NACC2: variants seen among roughly 807,000 people sequenced by gnomAD.
The protein encoded by NACC2 is NACC family member 2.
Under a neutral mutation model 25.1 loss-of-function variants are expected in NACC2, and 8 were observed. That is an observed-to-expected ratio of 0.32 (90% CI 0.19 to 0.57). The LOEUF (loss-of-function observed/expected upper bound fraction) is 0.57, where lower values mean the gene tolerates loss of function less well. NACC2 is among the 20% of genes least tolerant of loss of function. The pLI is 0.89. For missense variants in NACC2, 644 were observed against 650.2 expected (o/e 0.99, Z 0.10); for synonymous variants, 435 against 294.7 (o/e 1.48, Z -4.88).
At chr9:136,043,290 A>G (rs920379670) in intron 2 of NACC2, among the ~76,000 whole-genome samples, 4 of 152,258 alleles carry the variant, frequency 2.6e-5, no homozygotes, top group Non-Finnish European at 5.9e-5. Context: ...AAATGGACAA[A>G]AGATCTGAAG....
chr9:136,026,193 T>C (rs1335530636), intron 2 of NACC2, among the ~76,000 whole-genome samples: 1 of 151,172 alleles, frequency 6.6e-6, no homozygotes, highest in Non-Finnish European at 1.5e-5. Context: ...TACAAAAAAT[T>C]AGCCAGGTGT....
intron 1 of NACC2, among the ~76,000 whole-genome samples, chr9:136,088,896 C>T (rs1425857743): frequency 6.6e-6 from 1 of 152,214 alleles, no homozygotes; most frequent in Non-Finnish European, 1.5e-5. Flanking sequence ...GAAGGTTTCC[C>T]GGAGGAGACA....
chr9:136,076,922 C>G (rs1460469520), intron 1 of NACC2, among the ~76,000 whole-genome samples: 1 of 150,780 alleles, frequency 6.6e-6, no homozygotes, highest in Non-Finnish European at 1.5e-5. Context: ...CGGAGAATGG[C>G]GTGAACCCAG....
At chr9:136,035,818 C>T (rs1421434319) in intron 2 of NACC2, among the ~76,000 whole-genome samples, 1 of 152,054 alleles carries the variant, frequency 6.6e-6, no homozygotes, top group Admixed American at 6.6e-5. Context: ...AATGACAGAG[C>T]AGATGTGGTA....
At chr9:136,027,502 A>G (rs1425476472) in intron 2 of NACC2, among the ~76,000 whole-genome samples, 1 of 152,230 alleles carries the variant, frequency 6.6e-6, no homozygotes, top group East Asian at 1.9e-4. Context: ...CCAGAGTAAC[A>G]AACTAGGCTG....
At position 136,019,756 on chromosome 9, in the gene NACC2, C is replaced by T. The variant is rs965810967; in HGVS notation, c.887-3327G>A. Among the ~76,000 whole-genome samples, 2 of 152,028 alleles carry T rather than the reference C, an allele frequency of 1.3e-5. No homozygotes were observed. The highest frequency in any genetic ancestry group is 4.8e-5 in the African/African-American group (2 of 41,374). ...AGCAAACACAAGGACAAATGCTGCCCGGGGCGCGGGGTTGGGGCCTTCAGG... is the reference window on the plus strand; with the variant it reads ...AGCAAACACAAGGACAAATGCTGCCTGGGGCGCGGGGTTGGGGCCTTCAGG... On this transcript the variant is annotated intron_variant, in intron 2 of 5. Transcript: ENST00000277554. The surrounding 1 kb of genome is among the most constrained non-coding windows in gnomAD (Gnocchi z 5.2).
chr9:136,043,483 G>A (rs1840676228), intron 2 of NACC2, among the ~76,000 whole-genome samples: 1 of 152,258 alleles, frequency 6.6e-6, no homozygotes, highest in African/African-American at 2.4e-5. Flanking sequence ...AGGCCGTGGG[G>A]CGCCTGCTGC....
chr9:136,092,156 G>A (rs547141562), intron 1 of NACC2, among the ~76,000 whole-genome samples: 13 of 152,318 alleles, frequency 8.5e-5, no homozygotes, highest in East Asian at 1.9e-4. Flanking sequence ...CCCAAGGCCC[G>A]ACTGCCCACC....
At chr9:136,017,329 G>A (rs138946605) in intron 2 of NACC2, among the ~76,000 whole-genome samples, 1 of 152,184 alleles carries the variant, frequency 6.6e-6, no homozygotes, top group Non-Finnish European at 1.5e-5. Flanking sequence ...CCCTGGGCAG[G>A]ACTCTCTGCT....
At chr9:136,046,472 C>T (rs902833612) in intron 2 of NACC2, among the ~76,000 whole-genome samples, 22 of 152,214 alleles carry the variant, frequency 1.4e-4, no homozygotes, top group Non-Finnish European at 2.9e-4. Flanking sequence ...GGGGTGATGG[C>T]TTAAGGCCCA....
At chr9:136,062,113 G>GAGACAGGACA (rs1207459922) in intron 1 of NACC2, among the ~76,000 whole-genome samples, 5 of 123,808 alleles carry the variant, frequency 4.0e-5, no homozygotes, top group African/African-American at 1.6e-4. Context: ...GCAACAGAGC[G>GAGACAGGACA]AGACAGGACA....
chr9:136,008,024 G>A lies in NACC2; in HGVS notation c.*3492C>T, dbSNP rs1483944563. The A allele has an allele frequency of 1.3e-5, 2 of 152,228 alleles. No homozygotes were observed. The highest frequency in any genetic ancestry group is 4.1e-4 in the South Asian group (2 of 4,830). The allele number at this position is 152,228 out of a possible 1,614,324, so 9.4% of individuals were successfully genotyped here. A position where few individuals can be genotyped will look rare whatever the true frequency, so the allele number is the denominator to read the frequency against. ...AGGAGGCCAGGCAGCCGGCTCCTAT[G>A]TTCTAGGAGCCCCGACCCGCAGTCA... On this transcript the variant is annotated 3_prime_UTR_variant, in exon 6 of 6. Coordinates refer to ENST00000277554, the MANE Select transcript of NACC2 (RefSeq NM_144653.5).
intron 2 of NACC2, among the ~76,000 whole-genome samples, chr9:136,044,641 G>A (rs892254549): frequency 2.0e-5 from 3 of 152,326 alleles, no homozygotes; most frequent in African/African-American, 2.4e-5. Flanking sequence ...GAGTGGGGAC[G>A]ATGGTGCGAT....
rs187200112 is a variant in NACC2 at position 136,067,063 on chromosome 9, C to T, written c.-59-16483G>A. ...GTCGGGAGTTCGAGACCAGCCTCGG[C>T]AAGCAACATGTCGAAACCCCGTCTC... On this transcript the variant is annotated intron_variant, in intron 1 of 5. Transcript: ENST00000277554. 6.4e-3 allele frequency among the ~76,000 whole-genome samples: 972 copies of T among 152,056 alleles called. 9 individuals carry two copies. The highest frequency in any genetic ancestry group is 0.022 in the African/African-American group (917 of 41,460).
chr9:136,071,542 C>CAAA (rs34087690), intron 1 of NACC2, among the ~76,000 whole-genome samples: 8 of 83,266 alleles, frequency 9.6e-5, no homozygotes, highest in East Asian at 3.4e-4. Context: ...GACTCCATCT[C>CAAA]AAAAAAAAAA....
At position 136,086,689 on chromosome 9, in the gene NACC2, G is replaced by A. The variant is rs889857379; in HGVS notation, c.-60+8500C>T. Among the ~76,000 whole-genome samples, 1 of 152,108 alleles carries A rather than the reference G, an allele frequency of 6.6e-6. No individual in the cohort carries two copies. Among genetic ancestry groups the A allele is most frequent in the African/African-American group, 2.4e-5 (1 of 41,398 alleles). On this transcript the variant is annotated intron_variant, in intron 1 of 5. Coordinates refer to ENST00000277554, the MANE Select transcript of NACC2 (RefSeq NM_144653.5). This position sits in a 1 kb window ranked among gnomAD's most constrained non-coding sequence, Gnocchi z 5.6. Reference sequence around the variant, plus strand: ...TTACATAACCGCAGATGACAACGCCGACTCCTAGGAAAACCCTCCCCGACC... The same window carrying A: ...TTACATAACCGCAGATGACAACGCCAACTCCTAGGAAAACCCTCCCCGACC...
rs189558091 is a variant in NACC2 at position 136,088,970 on chromosome 9, G to A, written c.-60+6219C>T. Among the ~76,000 whole-genome samples the A allele has an allele frequency of 5.3e-5, 8 of 152,354 alleles. No homozygotes were observed. In the East Asian group the frequency reaches 1.2e-3, roughly 22 times the overall value. On this transcript the variant is annotated intron_variant, in intron 1 of 5. Transcript: ENST00000277554. ...AGCCTCTGATAATGATCTCGGCATC[G>A]CGTGGAGCGGCTGAGGCGGCTGTTA...
chr9:136,030,739 A>G (rs1037398175), intron 2 of NACC2, among the ~76,000 whole-genome samples: 3 of 152,062 alleles, frequency 2.0e-5, no homozygotes, highest in African/African-American at 4.8e-5. Context: ...TCAGCTCACT[A>G]CAACCTGCGC....
rs1012149432 is a variant in NACC2, at chr9:136,032,822, C to T, written c.887-16393G>A. On this transcript the variant is annotated intron_variant, in intron 2 of 5. Coordinates refer to ENST00000277554, the MANE Select transcript of NACC2 (RefSeq NM_144653.5). ...TGAGGTGGGTGGATCACGAGACTAGCCTGGCCAACATGGTGAAACCCCGTC... is the reference window on the plus strand; with the variant it reads ...TGAGGTGGGTGGATCACGAGACTAGTCTGGCCAACATGGTGAAACCCCGTC... Among the ~76,000 whole-genome samples, 16 of 152,030 alleles carry T rather than the reference C, an allele frequency of 1.1e-4. No individual in the cohort carries two copies. In the East Asian group the frequency reaches 3.1e-3, roughly 29 times the overall value.
Sources: gnomAD v4.1 joint callset for allele counts (sites outside exome capture counted in the v4.1 genomes callset) on GRCh38, gnomAD v4.1.1 for gene constraint, Gnocchi (gnomAD v3.1) non-coding constraint, MANE v1.5 for transcripts, NCBI Gene and HGNC (gene_info 2026-07-23, HGNC 2026-07-21) for gene names.